The following SULF1 variants were observed in gnomAD, a reference collection of about 807,000 sequenced individuals.
SULF1 encodes extracellular sulfatase Sulf-1.
Under a neutral mutation model 110.5 loss-of-function variants are expected in SULF1, and 46 were observed. The ratio of observed to expected loss-of-function variants is 0.42; its 90% CI spans 0.33 to 0.53. The LOEUF (loss-of-function observed/expected upper bound fraction) is 0.53, where lower values mean the gene tolerates loss of function less well. Ranked by LOEUF, SULF1 falls within the 20% of genes least tolerant of loss-of-function variation. The pLI, the probability that SULF1 is intolerant of heterozygous loss-of-function variation, is 0.12. For missense variants in SULF1, 941 were observed against 1,094.2 expected (o/e 0.86, Z 1.98); for synonymous variants, 371 against 387.1 (o/e 0.96, Z 0.49).
chr8:69,574,861 C>T (rs1222043731), intron 5 of SULF1, among the ~76,000 whole-genome samples: 2 of 152,188 alleles, frequency 1.3e-5, no homozygotes, highest in Admixed American at 1.3e-4. Flanking sequence ...TTCTCATATG[C>T]GTCATGTGAA....
chr8:69,506,076 T>TA (rs1811173484), intron 3 of SULF1, among the ~76,000 whole-genome samples: 1 of 152,248 alleles, frequency 6.6e-6, no homozygotes, highest in South Asian at 2.1e-4. Context: ...GTACAATGTT[T>TA]ATTGTTTTGT....
In SULF1 at chr8:69,628,791, T is replaced by G. The variant is rs140575125; in HGVS notation, c.2108+555T>G. Among the ~76,000 whole-genome samples, 972 of 152,250 alleles carry G rather than the reference T, an allele frequency of 6.4e-3. 7 individuals carry two copies. The highest frequency in any genetic ancestry group is 0.022 in the African/African-American group (929 of 41,524). Reference sequence around the variant, plus strand: ...TGTTTAGTAGAATTTGTCAAAGAATTTTTTAAACTTTTTAATCCAAGCCAT... The same window carrying G: ...TGTTTAGTAGAATTTGTCAAAGAATGTTTTAAACTTTTTAATCCAAGCCAT... On this transcript the variant is annotated intron_variant, in intron 18 of 22. Transcript: ENST00000402687.
chr8:69,626,937 G>A (rs1380809854), intron 15 of SULF1, among the ~76,000 whole-genome samples: 2 of 152,244 alleles, frequency 1.3e-5, no homozygotes, highest in Non-Finnish European at 2.9e-5. Context: ...GCAGCGGGCC[G>A]AAGGGCTCCT....
chr8:69,559,667 TG>T (rs1257295529), intron 3 of SULF1, among the ~76,000 whole-genome samples: 1 of 152,136 alleles, frequency 6.6e-6, no homozygotes, highest in Non-Finnish European at 1.5e-5. Context: ...TTTCATTTTT[TG>T]TTTGTTTGTT....
chr8:69,624,855 T>C (rs1809878569), intron 15 of SULF1, among the ~76,000 whole-genome samples: 1 of 152,234 alleles, frequency 6.6e-6, no homozygotes, highest in South Asian at 2.1e-4. Flanking sequence ...CTACTTACTC[T>C]CTTGATTAGG....
At chr8:69,568,690 C>A (rs73683979) in intron 5 of SULF1, among the ~76,000 whole-genome samples, 9,747 of 152,122 alleles carry the variant, frequency 0.064, 890 homozygotes, top group African/African-American at 0.2. Context: ...TCACGTTGTG[C>A]CTATACCCGT....
At chr8:69,627,410 A>G in intron 16 of SULF1, 104 bp downstream of exon 16, 1 of 757,544 alleles carries the variant, frequency 1.3e-6, no homozygotes, top group Non-Finnish European at 2.1e-6. Context: ...ATCATCTATA[A>G]TTATGTGAAA....
intron 3 of SULF1, among the ~76,000 whole-genome samples, chr8:69,542,312 A>T (rs1443132851): frequency 6.6e-6 from 1 of 152,220 alleles, no homozygotes; most frequent in Non-Finnish European, 1.5e-5. Context: ...CAACTTACTC[A>T]TCTGAGAAAA....
rs33972358 is a variant in SULF1 at position 69,538,275 on chromosome 8, C to CTT, written c.-133-25252_-133-25251dup. 6.7e-3 allele frequency among the ~76,000 whole-genome samples: 884 copies of CTT among 131,080 alleles called. 42 individuals carry two copies. The highest frequency in any genetic ancestry group is 0.022 in the African/African-American group (759 of 34,352). 86.0% of individuals were successfully genotyped at this position (131,080 alleles called of 152,430 possible). ...TTATTGGTTTTTACATTTCTGTTGC[C>CTT]TTTTTTTTTTTTTGAGCCATTAAGC... On this transcript the variant is annotated intron_variant, in intron 3 of 22. Coordinates refer to ENST00000402687, the MANE Select transcript of SULF1 (RefSeq NM_001128205.2).
chr8:69,528,991 T>C (rs1812891836), intron 3 of SULF1, among the ~76,000 whole-genome samples: 1 of 152,158 alleles, frequency 6.6e-6, no homozygotes, highest in Admixed American at 6.5e-5. Flanking sequence ...AGGAAATGCT[T>C]ATTAGGAACT....
At chr8:69,483,740 G>C (rs1408551449) in intron 1 of SULF1, among the ~76,000 whole-genome samples, 1 of 152,134 alleles carries the variant, frequency 6.6e-6, no homozygotes, top group Non-Finnish European at 1.5e-5. Flanking sequence ...AATGAGCTAT[G>C]ATTGTGTCCA....
Position 69,477,071 on chromosome 8 carries a change from A to T in SULF1, c.-391+10121A>T, listed in dbSNP as rs147452964. On this transcript the variant is annotated intron_variant, in intron 1 of 22. Coordinates refer to the SULF1 transcript ENST00000260128. ...GTCTAAGTTCAGATTTCAATTCAAG[A>T]TTCTACTCCTACATGTTACGCTTTT... Among the ~76,000 whole-genome samples the T allele has an allele frequency of 4.3e-3, 649 of 152,316 alleles. 6 individuals are homozygous for T. The highest frequency in any genetic ancestry group is 0.014 in the African/African-American group (594 of 41,568).
At chr8:69,592,836 G>C in intron 8 of SULF1, 4 of 801,316 alleles carry the variant, frequency 5.0e-6, no homozygotes, top group Non-Finnish European at 6.1e-6. Context: ...ACAACTTGAT[G>C]CTTGTCCATT....
At chr8:69,540,799 G>GA (rs1184311825) in intron 3 of SULF1, among the ~76,000 whole-genome samples, 3 of 152,134 alleles carry the variant, frequency 2.0e-5, no homozygotes, top group African/African-American at 7.2e-5. Context: ...GAAGGCCGAT[G>GA]AAAAGTCCCT....
intron 3 of SULF1, among the ~76,000 whole-genome samples, chr8:69,518,110 A>T (rs1586283698): frequency 6.6e-6 from 1 of 152,272 alleles, no homozygotes; most frequent in East Asian, 1.9e-4. Flanking sequence ...TTTTTCCATT[A>T]CCACCGCCAT....
chr8:69,604,220 C>CCCCA (rs1349757750), intron 12 of SULF1, among the ~76,000 whole-genome samples: 2 of 151,784 alleles, frequency 1.3e-5, no homozygotes, highest in Non-Finnish European at 2.9e-5. Context: ...TGTAGATTTA[C>CCCCA]TGTTGCATTT....
At chr8:69,556,020 G>A (rs7009897) in intron 3 of SULF1, among the ~76,000 whole-genome samples, 73,663 of 151,998 alleles carry the variant, frequency 0.48, 20,058 homozygotes, top group African/African-American at 0.76. Flanking sequence ...TATTTTTAGT[G>A]TCTAAGAATG....
At chr8:69,525,010 G>A (rs554332487) in intron 3 of SULF1, among the ~76,000 whole-genome samples, 2 of 152,218 alleles carry the variant, frequency 1.3e-5, no homozygotes, top group East Asian at 3.9e-4. Context: ...ACCCTTTTAT[G>A]GTTTTGCATC....
At chr8:69,562,449 T>G (rs771242410) in intron 3 of SULF1, among the ~76,000 whole-genome samples, 45 of 152,184 alleles carry the variant, frequency 3.0e-4, no homozygotes, top group Admixed American at 3.9e-4. Context: ...GATTCTCAGG[T>G]GTATGGGGAC....
Sources: gnomAD v4.1 joint callset for allele counts (sites outside exome capture counted in the v4.1 genomes callset) on GRCh38, gnomAD v4.1.1 for gene constraint, MANE v1.5 for transcripts, NCBI Gene and HGNC (gene_info 2026-07-23, HGNC 2026-07-21) for gene names.